Variants in MTMR3 observed in about 807,000 individuals in gnomAD.
The protein encoded by MTMR3 is myotubularin related protein 3.
A neutral mutation model predicts 132.4 loss-of-function variants in MTMR3; 32 were observed. The ratio of observed to expected loss-of-function variants is 0.24; its 90% confidence interval spans 0.18 to 0.32. The LOEUF (loss-of-function observed/expected upper bound fraction) is 0.32, where lower values mean the gene tolerates loss of function less well. MTMR3 is among the 10% of genes least tolerant of loss of function. The probability of loss-of-function intolerance (pLI) is 1.00; values close to 1 mark genes in which losing one functional copy is unlikely to be tolerated. For synonymous variants in MTMR3, 556 were observed against 550.3 expected, an observed-to-expected ratio of 1.01 and a Z score of -0.14; for missense variants, 1,216 against 1,489.6, an observed-to-expected ratio of 0.82 and a Z score of 3.02.
intron 1 of MTMR3, among the ~76,000 whole-genome samples, chr22:29,940,162 G>A (rs9625889): frequency 0.1 from 15,850 of 152,188 alleles, 872 homozygotes; most frequent in Middle Eastern, 0.14. Context: ...CAGCTACTCC[G>A]GAGGCTGAGG....
intron 14 of MTMR3, chr22:30,016,312 A>C: frequency 1.9e-6 from 1 of 513,140 alleles, no homozygotes. Flanking sequence ...GCTAAGAGGA[A>C]TAGGGGCACC....
At chr22:29,914,376 C>T (rs1212889947) in intron 1 of MTMR3, among the ~76,000 whole-genome samples, 7 of 152,070 alleles carry the variant, frequency 4.6e-5, no homozygotes, top group Admixed American at 4.6e-4. Context: ...TTTTCATGTG[C>T]TTATTTGCCA....
chr22:29,955,004 T>A (rs937341338), intron 1 of MTMR3, among the ~76,000 whole-genome samples: 11 of 152,218 alleles, frequency 7.2e-5, no homozygotes, highest in African/African-American at 2.7e-4. Flanking sequence ...GTTGTTCTTG[T>A]GACAATCTAG....
chr22:29,978,230 A>T (rs1024123723), intron 3 of MTMR3: 8 of 400,422 alleles, frequency 2.0e-5, no homozygotes, highest in African/African-American at 1.0e-4. Flanking sequence ...CCTCTTTGAC[A>T]TTTTTTTTGC....
intron 5 of MTMR3, chr22:29,983,047 C>G (rs936456111): frequency 2.6e-5 from 4 of 151,422 alleles, no homozygotes; most frequent in African/African-American, 7.3e-5. Context: ...GTATGAAAAT[C>G]CTAGGCGGTT....
intron 1 of MTMR3, among the ~76,000 whole-genome samples, chr22:29,893,597 T>C (rs1467039854): frequency 6.6e-6 from 1 of 152,148 alleles, no homozygotes; most frequent in Non-Finnish European, 1.5e-5. Flanking sequence ...ATGAAGAAAA[T>C]TAGTCTTCCA....
At chr22:29,940,718 GTGAC>G (rs1213207574) in intron 1 of MTMR3, among the ~76,000 whole-genome samples, 2 of 150,138 alleles carry the variant, frequency 1.3e-5, no homozygotes, top group East Asian at 3.9e-4. Context: ...GAGGTGCCAG[GTGAC>G]TGACTAATGC....
chr22:30,012,587 G>T (rs758996010), intron 13 of MTMR3, 24 bp downstream of exon 13: 1 of 1,570,178 alleles, frequency 6.4e-7, no homozygotes, highest in African/African-American at 1.4e-5. Context: ...AATGGGAGGG[G>T]TTGGTACTTC....
intron 19 of MTMR3, chr22:30,023,720 G>C: frequency 1.8e-6 from 1 of 540,764 alleles, no homozygotes; most frequent in Non-Finnish European, 3.3e-6. Context: ...AGGCCGTCTT[G>C]CTTGTGACGA....
intron 2 of MTMR3, among the ~76,000 whole-genome samples, chr22:29,969,553 T>C (rs1480055470): frequency 7.2e-5 from 11 of 151,996 alleles, no homozygotes; most frequent in Admixed American, 7.2e-4. Flanking sequence ...TTTTTGAGAC[T>C]GAGTCTCACA....
intron 2 of MTMR3, among the ~76,000 whole-genome samples, chr22:29,963,121 T>C (rs1215143376): frequency 6.6e-6 from 1 of 151,880 alleles, no homozygotes; most frequent in Non-Finnish European, 1.5e-5. Context: ...TCTTTTATTA[T>C]TATTTTATAG....
intron 1 of MTMR3, among the ~76,000 whole-genome samples, chr22:29,947,098 G>A (rs1446494065): frequency 1.3e-5 from 2 of 152,170 alleles, no homozygotes; most frequent in Non-Finnish European, 2.9e-5. Flanking sequence ...ATATATACAT[G>A]TTCTGACTGA....
intron 9 of MTMR3, 52 bp downstream of exon 9, chr22:30,003,045 A>G (rs768111630): frequency 1.4e-6 from 2 of 1,414,988 alleles, no homozygotes; most frequent in Non-Finnish European, 2.0e-6. Flanking sequence ...TGCCTGCTGC[A>G]TATGGTCTGC....
chr22:29,982,937 T>TTTTTTTTTTTTTGTG (rs752531735), intron 5 of MTMR3: 8 of 146,388 alleles, frequency 5.5e-5, no homozygotes, highest in African/African-American at 1.8e-4. Flanking sequence ...AAAAGTTTGT[T>TTTTTTTTTTTTTGTG]TGTGTGTGTG....
chr22:29,922,815 T>A (rs1185435337), intron 1 of MTMR3, among the ~76,000 whole-genome samples: 4 of 152,018 alleles, frequency 2.6e-5, no homozygotes, highest in African/African-American at 9.7e-5. Context: ...TTAAAAAAAA[T>A]TTAAAATAGC....
intron 1 of MTMR3, among the ~76,000 whole-genome samples, chr22:29,935,482 C>A (rs984206956): frequency 6.6e-6 from 1 of 152,138 alleles, no homozygotes; most frequent in African/African-American, 2.4e-5. Flanking sequence ...TCAGTTCTTA[C>A]CTTACACACT....
At chr22:29,939,367 A>G (rs930803510) in intron 1 of MTMR3, among the ~76,000 whole-genome samples, 2 of 152,202 alleles carry the variant, frequency 1.3e-5, no homozygotes, top group African/African-American at 4.8e-5. Context: ...TGATAGTTTT[A>G]TTATTTTCAA....
Position 29,940,141 on chromosome 22 carries a change from G to A in MTMR3, c.-137-16895G>A, listed in dbSNP as rs191501433. Reference sequence around the variant, plus strand: ...AAATTAGCCGGGCGTGGTGGCGGGCGACTGTAGTCCCAGCTACTCCGGAGG... The same window carrying A: ...AAATTAGCCGGGCGTGGTGGCGGGCAACTGTAGTCCCAGCTACTCCGGAGG... On this transcript the variant is annotated intron_variant, in intron 1 of 19. Coordinates refer to ENST00000401950, the MANE Select transcript of MTMR3 (RefSeq NM_021090.4). Among the ~76,000 whole-genome samples, 1,188 of 152,242 alleles carry A rather than the reference G, an allele frequency of 7.8e-3. 7 individuals are homozygous for A. Among genetic ancestry groups the A allele is most frequent in the South Asian group, 0.013 (62 of 4,774 alleles).
In MTMR3 at chr22:30,020,884, G is replaced by C. The variant is rs777379430; in HGVS notation, c.3225G>C (p.Val1075=). ...LHFNGDFGDE[V]TSIPDSESNL... ...TTAATGGAGACTTTGGGGATGAGGT[G>C]GTGAGTAGGCTGTGGTATTCCTCCA... The change falls in exon 17 of 20, where the codon GTG becomes GTC. Residue 1075 remains valine (V), a splice_region_variant and synonymous_variant. Coordinates refer to ENST00000401950, the MANE Select transcript of MTMR3 (RefSeq NM_021090.4). The C allele has an allele frequency of 6.3e-7, 1 of 1,578,432 alleles. No homozygotes were observed. Among genetic ancestry groups the C allele is most frequent in the South Asian group, 1.1e-5 (1 of 87,016 alleles).
Sources: allele counts gnomAD v4.1 joint callset (sites outside exome capture counted in the v4.1 genomes callset), GRCh38; gene constraint gnomAD v4.1.1; transcripts MANE v1.5; gene names NCBI Gene and HGNC (gene_info 2026-07-23, HGNC 2026-07-21).